Variants in GRIK1 observed in about 807,000 individuals in gnomAD.
The protein encoded by GRIK1 is glutamate receptor ionotropic, kainate 1.
In GRIK1, 69 loss-of-function variants were observed where a neutral mutation model predicts 105.7. That is an observed-to-expected ratio of 0.65 (90% CI 0.54 to 0.80). GRIK1 has a LOEUF of 0.80. Ranked by LOEUF, GRIK1 falls within the 30% of genes least tolerant of loss-of-function variation. The pLI is 0.00. For missense variants in GRIK1, 1,109 were observed against 1,167.3 expected, an observed-to-expected ratio of 0.95 and a Z score of 0.73; for synonymous variants, 438 against 431.3, an observed-to-expected ratio of 1.02 and a Z score of -0.19.
chr21:29,749,734 C>A (rs2065135549), intron 1 of GRIK1, among the ~76,000 whole-genome samples: 1 of 152,166 alleles, frequency 6.6e-6, no homozygotes, highest in Non-Finnish European at 1.5e-5. Context: ...TGGGAAGGAT[C>A]ATATTTTAAA....
intron 1 of GRIK1, among the ~76,000 whole-genome samples, chr21:29,725,128 TG>T (rs1338693822): frequency 6.6e-6 from 1 of 152,128 alleles, no homozygotes; most frequent in Non-Finnish European, 1.5e-5. Context: ...GTGTTCTCAT[TG>T]AATGCTCAAC....
chr21:29,808,382 G>A (rs1304222741), intron 1 of GRIK1, among the ~76,000 whole-genome samples: 1 of 152,140 alleles, frequency 6.6e-6, no homozygotes, highest in African/African-American at 2.4e-5. Context: ...TGGCTCACAA[G>A]CCTAATACAA....
At chr21:29,572,651 T>C (rs2090779214) in intron 14 of GRIK1, among the ~76,000 whole-genome samples, 1 of 152,258 alleles carries the variant, frequency 6.6e-6, no homozygotes, top group Non-Finnish European at 1.5e-5. Context: ...TGAATTTTGC[T>C]GAATCTTGGC....
intron 7 of GRIK1, among the ~76,000 whole-genome samples, chr21:29,609,900 G>T (rs1307072331): frequency 1.2e-4 from 18 of 152,100 alleles, no homozygotes; most frequent in Admixed American, 1.2e-3. Flanking sequence ...TATTGGTTTT[G>T]TTTCTCTGGA....
Position 29,673,244 on chromosome 21 carries a change from T to C in GRIK1, c.545-80A>G. On this transcript the variant is annotated intron_variant, in intron 3 of 17. Coordinates refer to ENST00000327783, the MANE Select transcript of GRIK1 (RefSeq NM_001330994.2). ...TTTATTGCCATTTAGTTAAACTCGT[T>C]TCAACTCCAAAACATACCCAGTGGC... 8 of 942,998 alleles carry C rather than the reference T, an allele frequency of 8.5e-6. No individual in the cohort carries two copies. The South Asian group carries it at 1.1e-4, about 13-fold the overall frequency. The allele number at this position is 942,998 out of a possible 1,614,324, so 58.4% of individuals were successfully genotyped here.
At chr21:29,660,334 C>T (rs988707537) in intron 4 of GRIK1, among the ~76,000 whole-genome samples, 1 of 152,160 alleles carries the variant, frequency 6.6e-6, no homozygotes, top group African/African-American at 2.4e-5. Context: ...ATGACCAGGA[C>T]GTAGCTCATA....
intron 1 of GRIK1, among the ~76,000 whole-genome samples, chr21:29,850,809 T>C (rs1817440695): frequency 6.6e-6 from 1 of 152,176 alleles, no homozygotes; most frequent in Non-Finnish European, 1.5e-5. Context: ...GGGGAAATAG[T>C]ATAACTACTA....
chr21:29,601,099 G>A, intron 7 of GRIK1: 2 of 317,266 alleles, frequency 6.3e-6, no homozygotes, highest in Non-Finnish European at 1.4e-5. Context: ...AAAAAGATTA[G>A]CATTTGAAAT....
intron 1 of GRIK1, among the ~76,000 whole-genome samples, chr21:29,876,112 A>ATATGTGTGTGTGTG (rs142408189): frequency 1.3e-5 from 2 of 149,092 alleles, no homozygotes; most frequent in South Asian, 4.3e-4. Context: ...GGAGATAGAT[A>ATATGTGTGTGTGTG]TGTGTGTGTG....
intron 1 of GRIK1, among the ~76,000 whole-genome samples, chr21:29,781,929 C>T (rs957020829): frequency 1.3e-5 from 2 of 151,332 alleles, no homozygotes; most frequent in African/African-American, 4.9e-5. Flanking sequence ...CTCGGCCTCC[C>T]AAAGTGCTGG....
Position 29,651,165 on chromosome 21 carries a change from G to A in GRIK1, c.907C>T (p.Gln303Ter). The A allele has an allele frequency of 6.2e-7, 1 of 1,613,760 alleles. No individual in the cohort carries two copies. The highest frequency in any genetic ancestry group is 8.5e-7 in the Non-Finnish European group (1 of 1,179,716). The part of the protein sequence containing the change: ...IIEKWSMERL[Q>*]APPRPETGLL... ...CCAGTCTCGGGCCTGGGTGGGGCCTGCAGTCTCTCCATGGACCACTTCTCA... is the reference window on the plus strand; with the variant it reads ...CCAGTCTCGGGCCTGGGTGGGGCCTACAGTCTCTCCATGGACCACTTCTCA... Residue 303 changes from glutamine to a stop codon, truncating the protein, a stop_gained, in exon 6 of 18, where the codon CAG (glutamine) becomes TAG (stop). Transcript: ENST00000327783. LOFTEE classifies it high-confidence loss of function.
At chr21:29,897,238 C>T (rs778030182) in intron 1 of GRIK1, among the ~76,000 whole-genome samples, 3 of 152,098 alleles carry the variant, frequency 2.0e-5, no homozygotes, top group East Asian at 1.9e-4. Flanking sequence ...TTAGCTAGTT[C>T]GGTGGCAGGT....
intron 11 of GRIK1, among the ~76,000 whole-genome samples, 197 bp downstream of exon 11, chr21:29,588,642 C>T (rs1037570177): frequency 2.6e-5 from 4 of 152,104 alleles, no homozygotes; most frequent in African/African-American, 7.2e-5. Context: ...AACTAATGCA[C>T]CATATATTTT....
intron 1 of GRIK1, among the ~76,000 whole-genome samples, chr21:29,722,982 G>A (rs2064360139): frequency 6.6e-6 from 1 of 152,148 alleles, no homozygotes; most frequent in African/African-American, 2.4e-5. Flanking sequence ...TCAATTTTAA[G>A]TTTTCTTCAA....
intron 1 of GRIK1, among the ~76,000 whole-genome samples, chr21:29,800,069 C>T (rs1006722909): frequency 2.0e-5 from 3 of 152,162 alleles, no homozygotes; most frequent in Non-Finnish European, 4.4e-5. Flanking sequence ...CAAAGTACAT[C>T]GTTCTCTTAT....
intron 12 of GRIK1, among the ~76,000 whole-genome samples, chr21:29,583,266 C>T (rs1243992910): frequency 6.6e-6 from 1 of 152,130 alleles, no homozygotes; most frequent in African/African-American, 2.4e-5. Flanking sequence ...AATTTGCACA[C>T]TCTTATAGCC....
chr21:29,919,651 CTG>C (rs1318799852), intron 1 of GRIK1, among the ~76,000 whole-genome samples: 1 of 152,112 alleles, frequency 6.6e-6, no homozygotes, highest in Non-Finnish European at 1.5e-5. Context: ...ACAGAGTTTG[CTG>C]TCTATCTAGC....
At chr21:29,824,607 G>GA (rs750561587) in intron 1 of GRIK1, among the ~76,000 whole-genome samples, 4 of 152,032 alleles carry the variant, frequency 2.6e-5, no homozygotes, top group Admixed American at 6.6e-5. Context: ...TTCTGGGGGA[G>GA]AAAAAACCTT....
chr21:29,561,519 G>A, intron 15 of GRIK1, 105 bp downstream of exon 15: 1 of 698,588 alleles, frequency 1.4e-6, no homozygotes, highest in Non-Finnish European at 2.6e-6. Flanking sequence ...TAATGGCATT[G>A]TAGGCCTTCT....
Sources: allele counts gnomAD v4.1 joint callset (sites outside exome capture counted in the v4.1 genomes callset), GRCh38; gene constraint gnomAD v4.1.1; transcripts MANE v1.5; gene names NCBI Gene and HGNC (gene_info 2026-07-23, HGNC 2026-07-21).